Variants in REC114 observed in about 807,000 individuals in gnomAD.
The protein encoded by REC114 is meiotic recombination protein REC114.
A neutral mutation model predicts 31.3 loss-of-function variants in REC114; 27 were observed. That is an observed-to-expected ratio of 0.86 (90% CI 0.64 to 1.19). REC114 has a LOEUF of 1.19. Ranked by LOEUF, REC114 falls within the 50% of genes most tolerant of loss-of-function variation. The pLI is 0.00. For missense variants in REC114, 344 were observed against 326.9 expected, an observed-to-expected ratio of 1.05 and a Z score of -0.40; for synonymous variants, 134 against 127.7, an observed-to-expected ratio of 1.05 and a Z score of -0.33.
At chr15:73,478,729 T>G (rs1299368674) in intron 2 of REC114, among the ~76,000 whole-genome samples, 1 of 152,234 alleles carries the variant, frequency 6.6e-6, no homozygotes, top group African/African-American at 2.4e-5. Context: ...TTTATTGATT[T>G]CTCTCATCAA....
chr15:73,471,885 T>C (rs1294005616), intron 1 of REC114, among the ~76,000 whole-genome samples: 2 of 152,178 alleles, frequency 1.3e-5, no homozygotes, highest in South Asian at 2.1e-4. Flanking sequence ...TGTCAAATAA[T>C]TCTTTATGAT....
At position 73,533,627 on chromosome 15, in the gene REC114, A is replaced by G. The variant is rs1388878073; in HGVS notation, c.250-6858A>G. ...CCCAATGTCAACATTAGACAGATCA[A>G]TGAGACAGAAAGTCAACAAGGATAC... On this transcript the variant is annotated intron_variant, in intron 2 of 5. Transcript: ENST00000331090. Among the ~76,000 whole-genome samples, 33 of 150,748 alleles carry G rather than the reference A, an allele frequency of 2.2e-4. 1 individual carries two copies. The South Asian group carries it at 6.3e-3, about 29-fold the overall frequency.
In REC114 at chr15:73,538,237, A is replaced by G. The variant is rs564166482; in HGVS notation, c.250-2248A>G. Among the ~76,000 whole-genome samples, 30 of 152,346 alleles carry G rather than the reference A, an allele frequency of 2.0e-4. No individual in the cohort carries two copies. The South Asian group carries it at 6.0e-3, about 31-fold the overall frequency. ...TCCAACATCCAAATTGAGATGTGGTATAAGTGTAAAACACACACTGGATTT... is the reference window on the plus strand; with the variant it reads ...TCCAACATCCAAATTGAGATGTGGTGTAAGTGTAAAACACACACTGGATTT... On this transcript the variant is annotated intron_variant, in intron 2 of 5. Coordinates refer to ENST00000331090, the MANE Select transcript of REC114 (RefSeq NM_001042367.2).
chr15:73,463,706 A>G (rs1893019741), intron 1 of REC114, among the ~76,000 whole-genome samples: 1 of 152,092 alleles, frequency 6.6e-6, no homozygotes, highest in South Asian at 2.1e-4. Context: ...CTGTAGTCCC[A>G]GCTACTTGGG....
intron 1 of REC114, among the ~76,000 whole-genome samples, chr15:73,459,932 G>GCCTATGTT (rs1892966933): frequency 6.6e-6 from 1 of 152,164 alleles, no homozygotes; most frequent in Admixed American, 6.6e-5. Context: ...GCAGCATACT[G>GCCTATGTT]TAAGCTACAC....
At chr15:73,506,613 A>G (rs1893680852) in intron 2 of REC114, among the ~76,000 whole-genome samples, 1 of 152,216 alleles carries the variant, frequency 6.6e-6, no homozygotes, top group Non-Finnish European at 1.5e-5. Context: ...TAATGCAGCC[A>G]TATATATGTT....
chr15:73,553,418 T>C (rs1032876334), intron 4 of REC114, among the ~76,000 whole-genome samples: 17 of 152,312 alleles, frequency 1.1e-4, no homozygotes, highest in Middle Eastern at 3.4e-3. Flanking sequence ...TTATAAGGTA[T>C]TTTATTGCTT....
intron 2 of REC114, among the ~76,000 whole-genome samples, chr15:73,481,192 G>A (rs183064711): frequency 2.4e-3 from 369 of 152,176 alleles, no homozygotes; most frequent in Middle Eastern, 0.017. Flanking sequence ...CTCAAAACAC[G>A]TCAACATGGT....
chr15:73,498,147 G>A (rs191982305), intron 2 of REC114, among the ~76,000 whole-genome samples: 30 of 151,280 alleles, frequency 2.0e-4, no homozygotes, highest in African/African-American at 7.0e-4. Flanking sequence ...TGTTATGAAT[G>A]TTATTACTCT....
chr15:73,526,616 T>C (rs925356867), intron 2 of REC114, among the ~76,000 whole-genome samples: 1 of 152,198 alleles, frequency 6.6e-6, no homozygotes, highest in Non-Finnish European at 1.5e-5. Context: ...TGGACAAATG[T>C]GCTGCTGTTG....
chr15:73,452,223 A>G (rs549132344), intron 1 of REC114, among the ~76,000 whole-genome samples: 1 of 152,338 alleles, frequency 6.6e-6, no homozygotes, highest in East Asian at 1.9e-4. Flanking sequence ...ATGGTTGTAT[A>G]TTTAGAAAAC....
chr15:73,458,735 G>T (rs1331576461), intron 1 of REC114, among the ~76,000 whole-genome samples: 1 of 152,172 alleles, frequency 6.6e-6, no homozygotes, highest in African/African-American at 2.4e-5. Context: ...TATGATTGCT[G>T]TCTCTTAAGG....
rs558877712 is a variant in REC114 at position 73,531,783 on chromosome 15, C to T, written c.250-8702C>T. Among the ~76,000 whole-genome samples, 5 of 152,292 alleles carry T rather than the reference C, an allele frequency of 3.3e-5. No individual in the cohort carries two copies. In the South Asian group the frequency reaches 8.3e-4, roughly 25 times the overall value. On this transcript the variant is annotated intron_variant, in intron 2 of 5. Transcript: ENST00000331090. ...CCATTGCAGGGCACAGCACCTCCTG[C>T]TGCTAGACTCCATGCAGATTTGACA...
At chr15:73,443,928 G>A (rs1892732155) in intron 1 of REC114, among the ~76,000 whole-genome samples, 1 of 152,144 alleles carries the variant, frequency 6.6e-6, no homozygotes, top group Non-Finnish European at 1.5e-5. Context: ...TTCGGTTCCA[G>A]ACCATCACAA....
chr15:73,506,954 T>C (rs1893686981), intron 2 of REC114, among the ~76,000 whole-genome samples: 1 of 151,746 alleles, frequency 6.6e-6, no homozygotes, highest in Non-Finnish European at 1.5e-5. Flanking sequence ...AGTCTTGGAG[T>C]GAAAAGGCCT....
At chr15:73,503,848 A>G (rs1424739441) in intron 2 of REC114, among the ~76,000 whole-genome samples, 1 of 152,026 alleles carries the variant, frequency 6.6e-6, no homozygotes, top group African/African-American at 2.4e-5. Context: ...TGCCAATTAC[A>G]CAGGTTGTAA....
intron 2 of REC114, among the ~76,000 whole-genome samples, chr15:73,525,875 C>T (rs1477689820): frequency 6.6e-6 from 1 of 152,088 alleles, no homozygotes; most frequent in Non-Finnish European, 1.5e-5. Context: ...TTAAGTGTTC[C>T]ATATTCCTAA....
chr15:73,552,962 C>G (rs1299290658), intron 4 of REC114, among the ~76,000 whole-genome samples: 1 of 152,054 alleles, frequency 6.6e-6, no homozygotes, highest in African/African-American at 2.4e-5. Flanking sequence ...TTACAGACAT[C>G]CACCACCATG....
intron 2 of REC114, among the ~76,000 whole-genome samples, chr15:73,519,595 A>AC (rs1202495954): frequency 1.3e-5 from 2 of 152,228 alleles, no homozygotes; most frequent in Non-Finnish European, 2.9e-5. Flanking sequence ...TAAAAATAGA[A>AC]CTACTATCTG....
Sources: gnomAD v4.1 joint callset for allele counts (sites outside exome capture counted in the v4.1 genomes callset) on GRCh38, gnomAD v4.1.1 for gene constraint, MANE v1.5 for transcripts, NCBI Gene and HGNC (gene_info 2026-07-23, HGNC 2026-07-21) for gene names.